LCOR: variants seen among roughly 807,000 people sequenced by gnomAD.
The protein encoded by LCOR is ligand dependent nuclear receptor corepressor.
A neutral mutation model predicts 64.4 loss-of-function variants in LCOR; 14 were observed. The ratio of observed to expected loss-of-function variants is 0.22; its 90% CI spans 0.14 to 0.34. The LOEUF is 0.34. Ranked by LOEUF, LCOR falls within the 10% of genes least tolerant of loss-of-function variation. LCOR has a pLI of 1.00. For synonymous variants in LCOR, 643 were observed against 642.5 expected (o/e 1.00, Z -0.01); for missense variants, 1,686 against 1,765.3 (o/e 0.96, Z 0.80).
chr10:96,915,516 T>G, intron 4 of LCOR: 1 of 473,732 alleles, frequency 2.1e-6, no homozygotes, highest in Non-Finnish European at 3.9e-6. Flanking sequence ...TGAGACTCCG[T>G]CTCCTAAATA....
At position 96,900,738 on chromosome 10, in the gene LCOR, C is replaced by A. The variant is rs145856008; in HGVS notation, c.-329-6527C>A. ...ATGGAACTACTTTGAGTAACCCTTACCCCCCAGAGTGAATGGCTGTTCTAC... is the reference window on the plus strand; with the variant it reads ...ATGGAACTACTTTGAGTAACCCTTAACCCCCAGAGTGAATGGCTGTTCTAC... On this transcript the variant is annotated intron_variant, in intron 2 of 7. Transcript: ENST00000421806. 4.1e-5 allele frequency among the ~76,000 whole-genome samples: 6 copies of A among 147,396 alleles called. No individual in the cohort carries two copies. In the East Asian group the frequency reaches 7.7e-4, roughly 19 times the overall value.
intron 2 of LCOR, among the ~76,000 whole-genome samples, chr10:96,886,157 T>C (rs556115731): frequency 6.6e-6 from 1 of 152,284 alleles, no homozygotes; most frequent in South Asian, 2.1e-4. Context: ...GGATTACAGG[T>C]ATGAGCCACC....
chr10:96,970,402 A>G (rs1227968907), intron 7 of LCOR, among the ~76,000 whole-genome samples: 1 of 151,944 alleles, frequency 6.6e-6, no homozygotes, highest in Non-Finnish European at 1.5e-5. Context: ...GTCTCAAAAA[A>G]TAAATAAATA....
At chr10:96,978,053 C>T (rs1479169476) in intron 7 of LCOR, among the ~76,000 whole-genome samples, 2 of 152,312 alleles carry the variant, frequency 1.3e-5, no homozygotes, top group East Asian at 1.9e-4. Context: ...TCTCCACTCT[C>T]GTACTGTAGC....
intron 4 of LCOR, among the ~76,000 whole-genome samples, chr10:96,923,151 AGT>A (rs1847110629): frequency 6.6e-6 from 1 of 152,214 alleles, no homozygotes; most frequent in Non-Finnish European, 1.5e-5. Context: ...GATGTAGGAA[AGT>A]GGCATTTAAA....
At chr10:96,841,237 A>C (rs1016623648) in intron 2 of LCOR, among the ~76,000 whole-genome samples, 4 of 152,258 alleles carry the variant, frequency 2.6e-5, no homozygotes, top group Non-Finnish European at 5.9e-5. Flanking sequence ...TTAAATGTGC[A>C]GTAATCTAGA....
intron 4 of LCOR, among the ~76,000 whole-genome samples, chr10:96,920,688 GTA>G (rs1392174273): frequency 6.9e-6 from 1 of 144,784 alleles, no homozygotes; most frequent in African/African-American, 2.6e-5. Flanking sequence ...TCATATATGT[GTA>G]TATATGTTCA....
At chr10:96,865,272 T>TA (rs149870140) in intron 2 of LCOR, among the ~76,000 whole-genome samples, 8,269 of 152,020 alleles carry the variant, frequency 0.054, 760 homozygotes, top group African/African-American at 0.19. Context: ...TAGGCTGTTT[T>TA]AAAAAAAATT....
At chr10:96,911,897 C>T (rs138196349) in intron 4 of LCOR, among the ~76,000 whole-genome samples, 92 of 152,238 alleles carry the variant, frequency 6.0e-4, no homozygotes, top group African/African-American at 2.1e-3. Context: ...ATACACAATT[C>T]TCTGTGTACT....
At chr10:96,933,569 G>T (rs1847299614) in intron 4 of LCOR, among the ~76,000 whole-genome samples, 2 of 152,172 alleles carry the variant, frequency 1.3e-5, no homozygotes, top group African/African-American at 4.8e-5. Flanking sequence ...TGCCCAGGCT[G>T]GAGTGGAGTG....
At chr10:96,889,959 T>C (rs578008956) in intron 2 of LCOR, among the ~76,000 whole-genome samples, 2 of 152,318 alleles carry the variant, frequency 1.3e-5, no homozygotes, top group East Asian at 3.9e-4. Flanking sequence ...GTAATTCTAT[T>C]TTTAACTTTT....
intron 4 of LCOR, among the ~76,000 whole-genome samples, chr10:96,926,773 A>C (rs1847176090): frequency 6.6e-6 from 1 of 152,176 alleles, no homozygotes; most frequent in South Asian, 2.1e-4. Flanking sequence ...ATTTTATATA[A>C]TAGGAATCAT....
intron 2 of LCOR, among the ~76,000 whole-genome samples, chr10:96,835,324 A>G (rs1434014747): frequency 6.6e-6 from 1 of 152,196 alleles, no homozygotes; most frequent in Admixed American, 6.5e-5. Context: ...TTCTTAAAGC[A>G]TACTTTTAAC....
chr10:96,843,510 C>CT (rs1173905936), intron 2 of LCOR, among the ~76,000 whole-genome samples: 4 of 152,096 alleles, frequency 2.6e-5, no homozygotes, highest in Non-Finnish European at 5.9e-5. Context: ...TCTCTTTTAC[C>CT]TTTTTTTCGA....
rs1438023318 is a variant in LCOR, at chr10:96,918,754, G to A, written c.-184+11007G>A. 3.3e-5 allele frequency among the ~76,000 whole-genome samples: 5 copies of A among 152,296 alleles called. No individual in the cohort carries two copies. In the East Asian group the frequency reaches 9.7e-4, roughly 29 times the overall value. On this transcript the variant is annotated intron_variant, in intron 4 of 7. Coordinates refer to ENST00000421806, the MANE Select transcript of LCOR (RefSeq NM_001346516.2). ...GTTACAGTTGGTAGGAATTAAATCA[G>A]GCATGAATGCCTGAATATAAGAACC...
chr10:96,855,302 C>T (rs1845783946), intron 2 of LCOR, among the ~76,000 whole-genome samples: 2 of 152,218 alleles, frequency 1.3e-5, no homozygotes, highest in Non-Finnish European at 2.9e-5. Flanking sequence ...GTACTTGGAT[C>T]CAGCTGTGCA....
rs1470069023 is a variant in LCOR at position 96,989,954 on chromosome 10, T to C, written c.*4820T>C. The C allele has an allele frequency of 1.3e-5, 2 of 151,974 alleles. No homozygotes were observed. The highest frequency in any genetic ancestry group is 6.6e-5 in the Admixed American group (1 of 15,252). 9.4% of individuals were successfully genotyped at this position (151,974 alleles called of 1,614,324 possible). A position where few individuals can be genotyped will look rare whatever the true frequency, so the allele number is the denominator to read the frequency against. On this transcript the variant is annotated 3_prime_UTR_variant, in exon 8 of 8. Transcript: ENST00000421806. Reference sequence around the variant, plus strand: ...TTTAGTTGTTTTGAAACAATTATCATTTTGAATTCTTAGTATTACTTTGAT... The same window carrying C: ...TTTAGTTGTTTTGAAACAATTATCACTTTGAATTCTTAGTATTACTTTGAT...
At chr10:96,953,545 T>C (rs1238542996) in intron 7 of LCOR, among the ~76,000 whole-genome samples, 4 of 146,576 alleles carry the variant, frequency 2.7e-5, no homozygotes, top group Non-Finnish European at 4.5e-5. Flanking sequence ...AGCCAGACCT[T>C]GTCTCCAAAA....
chr10:96,971,732 G>A (rs938494522), intron 7 of LCOR, among the ~76,000 whole-genome samples: 8 of 152,120 alleles, frequency 5.3e-5, no homozygotes, highest in African/African-American at 1.9e-4. Context: ...GAAACGAGGG[G>A]CAGAGATATA....
Sources: gnomAD v4.1 joint callset for allele counts (sites outside exome capture counted in the v4.1 genomes callset) on GRCh38, gnomAD v4.1.1 for gene constraint, MANE v1.5 for transcripts, NCBI Gene and HGNC (gene_info 2026-07-23, HGNC 2026-07-21) for gene names.